SULF2: variants seen among roughly 807,000 people sequenced by gnomAD.
The protein encoded by SULF2 is sulfatase 2.
SULF2 carries 52 observed loss-of-function variants against 107.7 expected under a neutral mutation model. The observed-to-expected ratio is 0.48, with a 90% CI of 0.39 to 0.61. SULF2 has a LOEUF of 0.61. Ranked by LOEUF, SULF2 falls within the 20% of genes least tolerant of loss-of-function variation. The pLI is 0.00. For synonymous variants in SULF2, 460 were observed against 464.3 expected, an observed-to-expected ratio of 0.99 and a Z score of 0.12; for missense variants, 993 against 1,177.3, an observed-to-expected ratio of 0.84 and a Z score of 2.29.
intron 5 of SULF2, 187 bp from the exon 6 acceptor site, chr20:47,684,768 T>A (rs1490653547): frequency 5.3e-6 from 3 of 562,054 alleles, no homozygotes; most frequent in Non-Finnish European, 9.3e-6. Flanking sequence ...GTTTCAGCGT[T>A]TCTCCACGTG....
At chr20:47,759,561 A>C (rs1340361105) in intron 1 of SULF2, among the ~76,000 whole-genome samples, 4 of 152,162 alleles carry the variant, frequency 2.6e-5, no homozygotes, top group African/African-American at 9.7e-5. Context: ...GCATGGTGGC[A>C]CATGCCTGTA....
In SULF2 at chr20:47,666,368, T is replaced by A; in HGVS notation, c.1697A>T (p.His566Leu). The A allele has an allele frequency of 6.2e-7, 1 of 1,614,166 alleles. No homozygotes were observed. Among genetic ancestry groups the A allele is most frequent in the Non-Finnish European group, 8.5e-7 (1 of 1,180,050 alleles). The change falls in exon 12 of 21, where the codon CAC becomes CTC. Residue 566 changes from histidine (H) to leucine (L), a missense_variant. By Grantham distance (99) the His-to-Leu change is moderately conservative (BLOSUM62 -3). Coordinates refer to ENST00000688720, the MANE Select transcript of SULF2 (RefSeq NM_001387048.1). The surrounding 1 kb of genome is among the most constrained non-coding windows in gnomAD (Gnocchi z 5.4). ...AAQPRNLTKR[H>L]WPGAPEDQDD... is the part of the protein sequence containing the mutation. Reference sequence around the variant, plus strand: ...TTGGTCCTCAGGGGCCCCTGGCCAGTGCCGCTTGGTGAGGTTTCGGGGCTG... The same window carrying A: ...TTGGTCCTCAGGGGCCCCTGGCCAGAGCCGCTTGGTGAGGTTTCGGGGCTG...
At chr20:47,747,827 C>A (rs138378298) in intron 2 of SULF2, among the ~76,000 whole-genome samples, 19 of 152,052 alleles carry the variant, frequency 1.2e-4, no homozygotes, top group African/African-American at 4.6e-4. Context: ...TAGGAGTCAT[C>A]CCCGATTCCT....
In SULF2 at chr20:47,701,639, C is replaced by T. The variant is rs541911501; in HGVS notation, c.567+880G>A. ...CTAGGTTCTAGACAGTGCTCAGCAG[C>T]GCTATTTGTAATAACCCCAAACTGG... On this transcript the variant is annotated intron_variant, in intron 4 of 20. Transcript: ENST00000688720. 6.0e-4 allele frequency among the ~76,000 whole-genome samples: 91 copies of T among 152,222 alleles called. 1 individual carries two copies. The highest frequency in any genetic ancestry group is 3.4e-3 in the Middle Eastern group (1 of 294).
intron 1 of SULF2, among the ~76,000 whole-genome samples, chr20:47,771,783 G>T (rs2090635567): frequency 6.6e-6 from 1 of 152,198 alleles, no homozygotes; most frequent in African/African-American, 2.4e-5. Flanking sequence ...CCGGGGCCAA[G>T]CTTGGAAGGA....
intron 17 of SULF2, among the ~76,000 whole-genome samples, chr20:47,662,659 G>C (rs983241311): frequency 6.6e-6 from 1 of 152,158 alleles, no homozygotes; most frequent in Non-Finnish European, 1.5e-5. Context: ...CTTACTGTAC[G>C]GAAGCACTTA....
chr20:47,736,876 G>A lies in SULF2; in HGVS notation c.242C>T (p.Ala81Val). ...GCAGCACATGGGTGTGGTCACGAAG[G>A]CGTTGATGAAGTGCGCCCCGCCCTG... ...MEQGGAHFIN[A>V]FVTTPMCCPS... is the part of the protein sequence containing the mutation. Residue 81 changes from alanine to valine, a missense_variant, in exon 3 of 21, where the codon GCC (alanine) becomes GTC (valine). Around this residue, in one of 3 missense-constraint regions of SULF2, gnomAD observed 388 missense variants for 449.2 expected, o/e 0.86. Coordinates refer to ENST00000688720, the MANE Select transcript of SULF2 (RefSeq NM_001387048.1). 1 of 1,614,262 alleles carries A rather than the reference G, an allele frequency of 6.2e-7. No homozygotes were observed. The highest frequency in any genetic ancestry group is 8.5e-7 in the Non-Finnish European group (1 of 1,180,040).
intron 5 of SULF2, among the ~76,000 whole-genome samples, chr20:47,686,988 G>A (rs1044624345): frequency 6.6e-6 from 1 of 152,208 alleles, no homozygotes; most frequent in African/African-American, 2.4e-5. Context: ...CCGAGGAACT[G>A]AAAGGGGGCT....
At chr20:47,667,168 T>A (rs1445301354) in intron 11 of SULF2, among the ~76,000 whole-genome samples, 2 of 152,154 alleles carry the variant, frequency 1.3e-5, no homozygotes, top group South Asian at 4.1e-4. Context: ...AAAAAAAGTA[T>A]CATGGATGTA....
intron 3 of SULF2, among the ~76,000 whole-genome samples, chr20:47,706,050 C>T (rs774061949): frequency 2.0e-5 from 3 of 152,064 alleles, no homozygotes; most frequent in South Asian, 2.1e-4. Context: ...CCACCTGCCT[C>T]GGCCTCCCAA....
intron 5 of SULF2, among the ~76,000 whole-genome samples, chr20:47,687,534 C>G (rs753452901): frequency 3.2e-4 from 48 of 152,168 alleles, no homozygotes; most frequent in Non-Finnish European, 6.5e-4. Flanking sequence ...ACATCCCTCG[C>G]CCCAAAGCCC....
intron 3 of SULF2, among the ~76,000 whole-genome samples, chr20:47,726,724 C>T (rs1213928398): frequency 6.6e-6 from 1 of 152,164 alleles, no homozygotes; most frequent in Non-Finnish European, 1.5e-5. Context: ...TAACTCATTC[C>T]AGAATGTTCA....
chr20:47,669,631 G>A (rs191961202), intron 11 of SULF2, among the ~76,000 whole-genome samples: 81 of 152,254 alleles, frequency 5.3e-4, no homozygotes, highest in African/African-American at 1.8e-3. Context: ...CAGGAGATGG[G>A]GCTGGAGTCC....
At position 47,666,829 on chromosome 20, in the gene SULF2, G is replaced by A. The variant is rs114747362; in HGVS notation, c.1577-341C>T. Among the ~76,000 whole-genome samples the A allele has an allele frequency of 0.013, 2,055 of 152,326 alleles. 45 individuals carry two copies. Among genetic ancestry groups the A allele is most frequent in the African/African-American group, 0.047 (1,940 of 41,574 alleles). ...AACCAGGAGCGAGGTTCTGATTCAC[G>A]CTAGAGCGTGGATGAATGTCAAAAG... On this transcript the variant is annotated intron_variant, in intron 11 of 20. Transcript: ENST00000688720. This position sits in a 1 kb window ranked among gnomAD's most constrained non-coding sequence, Gnocchi z 5.4.
At chr20:47,701,335 C>T (rs759753367) in intron 4 of SULF2, among the ~76,000 whole-genome samples, 2 of 152,094 alleles carry the variant, frequency 1.3e-5, no homozygotes, top group Non-Finnish European at 2.9e-5. Context: ...TGATCGGAGC[C>T]GCGGTGAAAT....
intron 1 of SULF2, among the ~76,000 whole-genome samples, chr20:47,757,933 G>T (rs1413621525): frequency 6.6e-6 from 1 of 152,120 alleles, no homozygotes; most frequent in Non-Finnish European, 1.5e-5. Flanking sequence ...ATTCAATCAG[G>T]GGTTTAAACG....
intron 3 of SULF2, among the ~76,000 whole-genome samples, chr20:47,710,096 T>A (rs953812838): frequency 5.3e-5 from 8 of 152,084 alleles, no homozygotes; most frequent in African/African-American, 1.9e-4. Context: ...GAGACCAGGT[T>A]TCACCATGTT....
chr20:47,751,067 CTTG>C (rs1240258367), intron 2 of SULF2, among the ~76,000 whole-genome samples: 2 of 152,160 alleles, frequency 1.3e-5, no homozygotes, highest in Non-Finnish European at 2.9e-5. Context: ...TTCGATGTGT[CTTG>C]TTAACTCTTG....
chr20:47,751,805 C>T (rs773472988), intron 2 of SULF2, among the ~76,000 whole-genome samples: 6 of 152,220 alleles, frequency 3.9e-5, no homozygotes, highest in African/African-American at 7.2e-5. Flanking sequence ...TTGTGACACA[C>T]GCGTTTTTAA....
Sources: allele counts gnomAD v4.1 joint callset (sites outside exome capture counted in the v4.1 genomes callset), GRCh38; gene constraint gnomAD v4.1.1; regional missense constraint gnomAD v4.1.1; non-coding constraint Gnocchi (gnomAD v3.1); transcripts MANE v1.5; gene names NCBI Gene and HGNC (gene_info 2026-07-23, HGNC 2026-07-21).